Variants in PAN3 observed in about 807,000 individuals in gnomAD.
PAN3 encodes PAN2-PAN3 deadenylation complex subunit PAN3.
A neutral mutation model predicts 96.2 loss-of-function variants in PAN3; 19 were observed. That is an observed-to-expected ratio of 0.20 (90% confidence interval 0.14 to 0.29). The LOEUF is 0.29. Ranked by LOEUF, PAN3 falls within the 10% of genes least tolerant of loss-of-function variation. PAN3 has a pLI of 1.00. For missense variants in PAN3, 882 were observed against 1,108.1 expected (o/e 0.80, Z 2.90); for synonymous variants, 433 against 406.6 (o/e 1.06, Z -0.78).
intron 1 of PAN3, among the ~76,000 whole-genome samples, chr13:28,151,282 G>A (rs765728757): frequency 2.6e-5 from 4 of 152,138 alleles, no homozygotes; most frequent in African/African-American, 4.8e-5. Context: ...TTGGGAGGCC[G>A]AGGTGGGCAG....
chr13:28,281,766 C>CTTTTTTT (rs10707261), intron 17 of PAN3, among the ~76,000 whole-genome samples: 2 of 114,958 alleles, frequency 1.7e-5, no homozygotes, highest in Non-Finnish European at 3.6e-5. Flanking sequence ...TTAAAGCACA[C>CTTTTTTT]TTTTTTTTTT....
In PAN3 at chr13:28,199,592, C is replaced by T. The variant is rs188895899; in HGVS notation, c.852+2246C>T. ...TTGAAGTACTGAAAAATACTCATCT[C>T]GTCTCTATTACTGTCTGTGTAGATT... On this transcript the variant is annotated intron_variant, in intron 5 of 18. Coordinates refer to ENST00000380958, the MANE Select transcript of PAN3 (RefSeq NM_175854.8). 7.3e-4 allele frequency among the ~76,000 whole-genome samples: 111 copies of T among 152,140 alleles called. 1 individual carries two copies. The highest frequency in any genetic ancestry group is 2.7e-3 in the Admixed American group (41 of 15,278).
At chr13:28,276,615 A>G (rs1183447117) in intron 14 of PAN3, among the ~76,000 whole-genome samples, 1 of 152,198 alleles carries the variant, frequency 6.6e-6, no homozygotes, top group Admixed American at 6.5e-5. Context: ...GAGTGTGAGG[A>G]AAAATAGTCT....
chr13:28,289,116 G>A (rs943409904), intron 18 of PAN3, among the ~76,000 whole-genome samples: 8 of 152,082 alleles, frequency 5.3e-5, no homozygotes, highest in Non-Finnish European at 7.4e-5. Flanking sequence ...ATGAGCCACC[G>A]CACCCGGCCT....
At chr13:28,273,225 T>C (rs1281453313) in intron 14 of PAN3, among the ~76,000 whole-genome samples, 3 of 152,234 alleles carry the variant, frequency 2.0e-5, no homozygotes, top group African/African-American at 7.2e-5. Context: ...CTCGTGATGC[T>C]TCTTAGCTAT....
chr13:28,260,162 C>A (rs374378027), intron 7 of PAN3, among the ~76,000 whole-genome samples: 1 of 151,674 alleles, frequency 6.6e-6, no homozygotes, highest in Non-Finnish European at 1.5e-5. Context: ...TTTGGGAGGC[C>A]GAGGCAGGTG....
At chr13:28,230,780 C>T (rs1882461276) in intron 6 of PAN3, among the ~76,000 whole-genome samples, 1 of 124,132 alleles carries the variant, frequency 8.1e-6, no homozygotes, top group South Asian at 2.4e-4. Context: ...ATAAGACACT[C>T]TTGTCTTTAA....
At chr13:28,165,205 C>T (rs535848086) in intron 1 of PAN3, among the ~76,000 whole-genome samples, 9 of 151,968 alleles carry the variant, frequency 5.9e-5, no homozygotes, top group Middle Eastern at 3.4e-3. Context: ...TGTGCCCAGC[C>T]GAAGTTCTGA....
chr13:28,149,676 C>T (rs910498018), intron 1 of PAN3, among the ~76,000 whole-genome samples: 1 of 152,172 alleles, frequency 6.6e-6, no homozygotes, highest in Non-Finnish European at 1.5e-5. Flanking sequence ...CAGTGGCACA[C>T]TTGTAGCTCA....
At chr13:28,258,299 A>G (rs574266194) in intron 7 of PAN3, among the ~76,000 whole-genome samples, 1 of 152,208 alleles carries the variant, frequency 6.6e-6, no homozygotes, top group Admixed American at 6.5e-5. Flanking sequence ...AAAGAGAAAA[A>G]AGGTTTCATT....
intron 5 of PAN3, among the ~76,000 whole-genome samples, chr13:28,197,607 C>T (rs534693146): frequency 6.6e-6 from 1 of 152,052 alleles, no homozygotes; most frequent in Non-Finnish European, 1.5e-5. Flanking sequence ...GAGTCTCACT[C>T]TGTCCCCCAG....
intron 5 of PAN3, among the ~76,000 whole-genome samples, chr13:28,202,658 T>TATACAC (rs1878874405): frequency 1.3e-5 from 2 of 150,000 alleles, no homozygotes; most frequent in African/African-American, 4.9e-5. Flanking sequence ...TATATATGTA[T>TATACAC]ACACACACAC....
rs147470918 is a variant in PAN3, at chr13:28,163,840, T to C, written c.431-10432T>C. Among the ~76,000 whole-genome samples the C allele has an allele frequency of 1.1e-3, 167 of 152,340 alleles. 1 individual carries two copies. The highest frequency in any genetic ancestry group is 3.8e-3 in the African/African-American group (159 of 41,570). On this transcript the variant is annotated intron_variant, in intron 1 of 18. Transcript: ENST00000380958. ...ATGATCTTTAATCTTTTGTAAATATTGGTGTAAGGTATTCAGTTTTTTCCC... is the reference window on the plus strand; with the variant it reads ...ATGATCTTTAATCTTTTGTAAATATCGGTGTAAGGTATTCAGTTTTTTCCC...
rs1869879098 is a variant in PAN3, at chr13:28,292,509, A to G, written c.2651A>G (p.Asn884Ser). 3 of 1,611,484 alleles carry G rather than the reference A, an allele frequency of 1.9e-6. No homozygotes were observed. The East Asian group carries it at 6.7e-5, about 36-fold the overall frequency. ...NTFQELIAAA[N>S]GQL ...TTTCAAGAACTGATTGCAGCTGCAAATGGTCAGTTGTAGTATTTGCTAAAA... is the reference window on the plus strand; with the variant it reads ...TTTCAAGAACTGATTGCAGCTGCAAGTGGTCAGTTGTAGTATTTGCTAAAA... The change falls in exon 19 of 19, where the codon AAT becomes AGT. Residue 884 changes from asparagine (N) to serine (S), a missense_variant. Asn to Ser is a conservative substitution (Grantham distance 46). Transcript: ENST00000380958.
In PAN3 at chr13:28,201,371, T is replaced by TA. The variant is rs927178605; in HGVS notation, c.852+4032dup. 1.3e-5 allele frequency among the ~76,000 whole-genome samples: 2 copies of TA among 151,784 alleles called. 1 individual carries two copies. The highest frequency in any genetic ancestry group is 4.2e-4 in the South Asian group (2 of 4,812). ...AAATTTCTTTCTTTGCATTTTTTAA[T>TA]AAAAAAATTTTTATAATACAAAAAA... On this transcript the variant is annotated intron_variant, in intron 5 of 18. Coordinates refer to ENST00000380958, the MANE Select transcript of PAN3 (RefSeq NM_175854.8).
At chr13:28,150,480 C>T (rs1871229200) in intron 1 of PAN3, among the ~76,000 whole-genome samples, 2 of 151,688 alleles carry the variant, frequency 1.3e-5, no homozygotes, top group South Asian at 2.1e-4. Flanking sequence ...AAAAAATTAG[C>T]CAGGCGTGGT....
In PAN3 at chr13:28,292,761, A is replaced by C. The variant is rs1342261020; in HGVS notation, c.*239A>C. On this transcript the variant is annotated 3_prime_UTR_variant, in exon 19 of 19. Coordinates refer to ENST00000380958, the MANE Select transcript of PAN3 (RefSeq NM_175854.8). The stretch of plus-strand genomic sequence containing the variant: ...AAGAATTTATTTTAGATTTAGGAGC[A>C]CCATCAGGTGAATGATGTTCCTGCT... 3.1e-6 allele frequency: 1 copy of C among 323,212 alleles called. No individual in the cohort carries two copies. Among genetic ancestry groups the C allele is most frequent in the Non-Finnish European group, 5.6e-6 (1 of 179,036 alleles). The allele number at this position is 323,212 out of a possible 1,614,324, so 20.0% of individuals were successfully genotyped here. A position where few individuals can be genotyped will look rare whatever the true frequency, so the allele number is the denominator to read the frequency against.
rs778518154 is a variant in PAN3, at chr13:28,277,351, T to G, written c.2164T>G (p.Ser722Ala). The G allele has an allele frequency of 6.2e-7, 1 of 1,612,084 alleles. No homozygotes were observed. Residue 722 changes from serine (S) to alanine (A), a missense_variant, in exon 15 of 19, where the codon TCC (serine) becomes GCC (alanine). Ser to Ala is a moderately conservative substitution (Grantham distance 99). Coordinates refer to ENST00000380958, the MANE Select transcript of PAN3 (RefSeq NM_175854.8). The part of the protein sequence containing the change: ...KAMELVTINY[S>A]SDLKNLILYL... ...CATGGAACTGGTGACAATCAACTAT[T>G]CCTCTGACCTGAAGAATCTGATTTT...
intron 6 of PAN3, among the ~76,000 whole-genome samples, chr13:28,250,723 C>CT (rs1251820192): frequency 6.6e-6 from 1 of 152,164 alleles, no homozygotes; most frequent in Non-Finnish European, 1.5e-5. Context: ...AGACTGGCCT[C>CT]TAACGCCTGG....
Sources: gnomAD v4.1 joint callset for allele counts (sites outside exome capture counted in the v4.1 genomes callset) on GRCh38, gnomAD v4.1.1 for gene constraint, MANE v1.5 for transcripts, NCBI Gene and HGNC (gene_info 2026-07-23, HGNC 2026-07-21) for gene names.